Variants in RAP1A observed in about 807,000 individuals in gnomAD.
The protein encoded by RAP1A is ras-related protein Rap-1A.
Under a neutral mutation model 26.4 loss-of-function variants are expected in RAP1A, and 6 were observed. The ratio of observed to expected loss-of-function variants is 0.23; its 90% CI spans 0.12 to 0.45. The LOEUF (loss-of-function observed/expected upper bound fraction) is 0.45. Among genes scored for constraint, RAP1A ranks in the 20% least tolerant of loss-of-function variants. RAP1A has a pLI of 0.99. For synonymous variants in RAP1A, 73 were observed against 79.4 expected (o/e 0.92, Z 0.43); for missense variants, 121 against 217.2 (o/e 0.56, Z 2.78).
At chr1:111,638,582 G>A (rs1453133177) in intron 1 of RAP1A, among the ~76,000 whole-genome samples, 3 of 152,098 alleles carry the variant, frequency 2.0e-5, no homozygotes, top group African/African-American at 7.2e-5. Flanking sequence ...ATGCCAACAT[G>A]CCTGGCTAAC....
intron 1 of RAP1A, 43 bp downstream of exon 1, chr1:111,619,977 G>C: frequency 5.0e-6 from 2 of 396,886 alleles, no homozygotes; most frequent in Non-Finnish European, 4.4e-6. Context: ...CAGAGGGAGC[G>C]GGGGGCGCGG....
intron 1 of RAP1A, among the ~76,000 whole-genome samples, chr1:111,599,455 T>A (rs1386297121): frequency 1.3e-5 from 2 of 152,212 alleles, no homozygotes; most frequent in East Asian, 1.9e-4. Flanking sequence ...TCCACCTGCC[T>A]CAGCCTCCCA....
At chr1:111,697,844 T>C (rs956264523) in intron 4 of RAP1A, among the ~76,000 whole-genome samples, 1 of 152,184 alleles carries the variant, frequency 6.6e-6, no homozygotes, top group Non-Finnish European at 1.5e-5. Flanking sequence ...ACCATAGTCA[T>C]TAATTTTTAT....
chr1:111,657,065 A>G (rs968420219), intron 1 of RAP1A, among the ~76,000 whole-genome samples: 6 of 151,768 alleles, frequency 4.0e-5, no homozygotes, highest in African/African-American at 1.5e-4. Flanking sequence ...TTACTACAAT[A>G]GGTACTTCAT....
chr1:111,647,865 A>G (rs1168031208), intron 1 of RAP1A, among the ~76,000 whole-genome samples: 1 of 152,190 alleles, frequency 6.6e-6, no homozygotes, highest in East Asian at 1.9e-4. Context: ...TGTTAAGATC[A>G]TAGCTTTTAG....
At chr1:111,684,085 G>GAAA (rs961441988) in intron 1 of RAP1A, among the ~76,000 whole-genome samples, 3 of 152,130 alleles carry the variant, frequency 2.0e-5, no homozygotes, top group African/African-American at 7.2e-5. Context: ...AATAGATGTG[G>GAAA]AAAAGGCCTT....
chr1:111,650,558 G>C (rs1345325782), intron 1 of RAP1A: 1 of 152,122 alleles, frequency 6.6e-6, no homozygotes, highest in Admixed American at 6.5e-5. Flanking sequence ...TTTTAGAGCA[G>C]TTTTAGGTTT....
At chr1:111,577,468 C>G (rs1417816527) in intron 1 of RAP1A, among the ~76,000 whole-genome samples, 6 of 147,376 alleles carry the variant, frequency 4.1e-5, no homozygotes, top group Admixed American at 2.1e-4. Context: ...TTGGATTTAT[C>G]CGCTGACATA....
At chr1:111,661,831 G>A (rs1660647982) in intron 1 of RAP1A, among the ~76,000 whole-genome samples, 1 of 148,744 alleles carries the variant, frequency 6.7e-6, no homozygotes, top group South Asian at 2.1e-4. Context: ...ATTTCCAATT[G>A]AGAGGATCTC....
chr1:111,708,756 AGT>A (rs1053891244), intron 6 of RAP1A, among the ~76,000 whole-genome samples: 1 of 152,050 alleles, frequency 6.6e-6, no homozygotes, highest in African/African-American at 2.4e-5. Flanking sequence ...TGATTCAGAA[AGT>A]GTGTGTGTGT....
At chr1:111,669,742 G>C (rs188937284) in intron 1 of RAP1A, among the ~76,000 whole-genome samples, 1 of 152,316 alleles carries the variant, frequency 6.6e-6, no homozygotes, top group East Asian at 1.9e-4. Flanking sequence ...AGTAGATACA[G>C]TATTTAAGGA....
chr1:111,694,742 T>C (rs1661775702), intron 2 of RAP1A, among the ~76,000 whole-genome samples: 2 of 152,226 alleles, frequency 1.3e-5, no homozygotes, highest in African/African-American at 2.4e-5. Flanking sequence ...AGTGACTAGC[T>C]TAATGTCTGG....
chr1:111,664,592 G>A (rs1660746725), intron 1 of RAP1A, among the ~76,000 whole-genome samples: 1 of 151,572 alleles, frequency 6.6e-6, no homozygotes, highest in African/African-American at 2.4e-5. Context: ...CCTCTCCCTG[G>A]GCTTCAAGAA....
rs143904308 is a variant in RAP1A at position 111,698,366 on chromosome 1, T to G, written c.183+869T>G. 6.1e-3 allele frequency among the ~76,000 whole-genome samples: 925 copies of G among 152,262 alleles called. 3 individuals carry two copies. Among genetic ancestry groups the G allele is most frequent in the Non-Finnish European group, 9.4e-3 (637 of 68,018 alleles). ...CATAGTTCACCGCAGTCTCCTGGGC[T>G]CAAACAGTCTTCCTGCCTCAGCCTC... On this transcript the variant is annotated intron_variant, in intron 4 of 7. Transcript: ENST00000369709.
At chr1:111,551,745 G>GGTTTT (rs1336198797) in intron 1 of RAP1A, among the ~76,000 whole-genome samples, 6 of 84,244 alleles carry the variant, frequency 7.1e-5, no homozygotes, top group African/African-American at 1.9e-4. Flanking sequence ...TGTGGTTTTT[G>GGTTTT]GTTTTGTTTT....
At chr1:111,677,448 A>T (rs1400405326) in intron 1 of RAP1A, among the ~76,000 whole-genome samples, 4 of 152,026 alleles carry the variant, frequency 2.6e-5, no homozygotes, top group African/African-American at 9.7e-5. Flanking sequence ...AACAATAATC[A>T]TTTTTTTTCT....
At chr1:111,669,399 C>G (rs995752874) in intron 1 of RAP1A, among the ~76,000 whole-genome samples, 1 of 152,134 alleles carries the variant, frequency 6.6e-6, no homozygotes, top group African/African-American at 2.4e-5. Flanking sequence ...CTAGATCATG[C>G]CTGTGAGAGG....
intron 1 of RAP1A, among the ~76,000 whole-genome samples, chr1:111,689,398 G>C (rs1255580510): frequency 2.0e-5 from 3 of 150,584 alleles, no homozygotes; most frequent in Non-Finnish European, 4.4e-5. Context: ...TTAAATTTGT[G>C]TATTTTCTGT....
intron 1 of RAP1A, among the ~76,000 whole-genome samples, chr1:111,674,601 A>G (rs1403799446): frequency 6.6e-6 from 1 of 152,140 alleles, no homozygotes; most frequent in Non-Finnish European, 1.5e-5. Context: ...TAGGAATCTC[A>G]TAGTTAATTT....
Sources: allele counts gnomAD v4.1 joint callset (sites outside exome capture counted in the v4.1 genomes callset), GRCh38; gene constraint gnomAD v4.1.1; transcripts MANE v1.5; gene names NCBI Gene and HGNC (gene_info 2026-07-23, HGNC 2026-07-21).